The following BOC variants were observed in gnomAD, a reference collection of about 807,000 sequenced individuals.
BOC encodes brother of CDO.
In BOC, 76 loss-of-function variants were observed where a neutral mutation model predicts 112.0. The ratio of observed to expected loss-of-function variants is 0.68; its 90% CI spans 0.56 to 0.82. BOC has a LOEUF of 0.82. Among genes scored for constraint, BOC ranks in the 40% least tolerant of loss-of-function variants. The pLI, the probability that BOC is intolerant of heterozygous loss-of-function variation, is 0.00. For missense variants in BOC, 1,309 were observed against 1,511.7 expected (o/e 0.87, Z 2.22); for synonymous variants, 580 against 599.8 (o/e 0.97, Z 0.48).
At chr3:113,240,309 A>C (rs1944125746) in intron 2 of BOC, among the ~76,000 whole-genome samples, 3 of 152,236 alleles carry the variant, frequency 2.0e-5, no homozygotes, top group Non-Finnish European at 4.4e-5. Context: ...CAGCTGACTT[A>C]GCCTACCTGG....
intron 5 of BOC, among the ~76,000 whole-genome samples, chr3:113,269,220 T>G (rs1947846649): frequency 6.6e-6 from 1 of 152,192 alleles, no homozygotes; most frequent in Non-Finnish European, 1.5e-5. Context: ...CCCGTTTGCA[T>G]AGTAAATGCA....
intron 5 of BOC, among the ~76,000 whole-genome samples, chr3:113,269,227 T>C (rs1947847595): frequency 6.6e-6 from 1 of 152,176 alleles, no homozygotes; most frequent in Non-Finnish European, 1.5e-5. Context: ...GCATAGTAAA[T>C]GCAGTTATCT....
intron 2 of BOC, among the ~76,000 whole-genome samples, chr3:113,247,762 C>T (rs1259280179): frequency 1.3e-5 from 2 of 152,146 alleles, no homozygotes; most frequent in Non-Finnish European, 2.9e-5. Flanking sequence ...CTTTCCACCA[C>T]CACAGCCCCT....
chr3:113,255,252 C>G (rs1451957827), intron 4 of BOC, among the ~76,000 whole-genome samples: 1 of 151,658 alleles, frequency 6.6e-6, no homozygotes, highest in Non-Finnish European at 1.5e-5. Flanking sequence ...AGGCAGCCAA[C>G]CGCTCTACAC....
At chr3:113,234,424 C>T (rs545618358) in intron 2 of BOC, among the ~76,000 whole-genome samples, 1 of 152,282 alleles carries the variant, frequency 6.6e-6, no homozygotes, top group Admixed American at 6.5e-5. Context: ...TTATCATTCT[C>T]CTGATGCCTT....
chr3:113,227,313 G>A (rs369413424), intron 2 of BOC, among the ~76,000 whole-genome samples: 6 of 152,198 alleles, frequency 3.9e-5, no homozygotes, highest in Admixed American at 1.3e-4. Flanking sequence ...AGGCCTCTGC[G>A]CATGGTTGGT....
chr3:113,236,286 A>ATATATATATATATACCCATGGG (rs1943497956), intron 2 of BOC, among the ~76,000 whole-genome samples: 1 of 15,128 alleles, frequency 6.6e-5, no homozygotes, highest in African/African-American at 3.5e-4. Context: ...CCATGGGTAT[A>ATATATATATATATACCCATGGG]TATATATATA....
At chr3:113,220,149 G>A (rs989103332) in intron 2 of BOC, among the ~76,000 whole-genome samples, 1 of 152,184 alleles carries the variant, frequency 6.6e-6, no homozygotes, top group South Asian at 2.1e-4. Context: ...GTAACTGACA[G>A]AAGATGGTAC....
intron 2 of BOC, among the ~76,000 whole-genome samples, chr3:113,219,239 G>T (rs1299708550): frequency 6.6e-6 from 1 of 152,190 alleles, no homozygotes; most frequent in Non-Finnish European, 1.5e-5. Flanking sequence ...ATCGCTTAGG[G>T]AATTAACGGT....
At chr3:113,259,795 G>A (rs1946616305) in intron 4 of BOC, among the ~76,000 whole-genome samples, 1 of 152,134 alleles carries the variant, frequency 6.6e-6, no homozygotes, top group African/African-American at 2.4e-5. Flanking sequence ...TTTTCCTATA[G>A]GGAGAATTGT....
In BOC at chr3:113,283,629, C is replaced by A; in HGVS notation, c.2653C>A (p.Gln885Lys). Reference sequence around the variant, plus strand: ...CTGCTTGTGGAGGGCCTGGTCTAAGCAAAGTGAGTGAGTGACGCTTTCAGT... The same window carrying A: ...CTGCTTGTGGAGGGCCTGGTCTAAGAAAAGTGAGTGAGTGACGCTTTCAGT... The part of the protein sequence containing the change: ...PFCLWRAWSK[Q>K]KHTTDLGFPR... Residue 885 changes from glutamine to lysine, a missense_variant, in exon 16 of 20, where the codon CAA becomes AAA. Transcript: ENST00000682979. 2 of 1,612,898 alleles carry A rather than the reference C, an allele frequency of 1.2e-6. No individual in the cohort carries two copies. Among genetic ancestry groups the A allele is most frequent in the Non-Finnish European group, 1.7e-6 (2 of 1,179,282 alleles).
chr3:113,260,679 G>GAAC (rs1262883016), intron 4 of BOC, among the ~76,000 whole-genome samples: 24 of 134,170 alleles, frequency 1.8e-4, no homozygotes, highest in Non-Finnish European at 3.8e-4. Flanking sequence ...GAACAGAACA[G>GAAC]AACAGAACAG....
rs1167310155 is a variant in BOC, at chr3:113,278,556, G to A, written c.1706-117G>A. 2 of 926,612 alleles carry A rather than the reference G, an allele frequency of 2.2e-6. No individual in the cohort carries two copies. Among genetic ancestry groups the A allele is most frequent in the Admixed American group, 2.2e-5 (1 of 46,504 alleles). 57.4% of individuals were successfully genotyped at this position (926,612 alleles called of 1,614,324 possible). A position where few individuals can be genotyped will look rare whatever the true frequency, so the allele number is the denominator to read the frequency against. ...AGCCCACACCCTCAGTGCCCCGGAT[G>A]CTTATTTGCATCACTTTGTCATGCC... On this transcript the variant is annotated intron_variant, in intron 10 of 19. Coordinates refer to ENST00000682979, the MANE Select transcript of BOC (RefSeq NM_001378074.1). The surrounding 1 kb of genome is among the most constrained non-coding windows in gnomAD (Gnocchi z 4.2).
In BOC at chr3:113,278,186, T is replaced by C; in HGVS notation, c.1634T>C (p.Leu545Ser). The C allele has an allele frequency of 6.2e-7, 1 of 1,614,114 alleles. No individual in the cohort carries two copies. The highest frequency in any genetic ancestry group is 2.2e-5 in the East Asian group (1 of 44,884). ...CTCACCAGACTTGACCCCGGGAGCT[T>C]GTATGAAGTGGAGATGGCAGCTTAC... ...LTLTRLDPGS[L>S]YEVEMAAYNC... The change falls in exon 10 of 20, where the codon TTG becomes TCG. Residue 545 changes from leucine (L) to serine (S), a missense_variant. Transcript: ENST00000682979. The surrounding 1 kb of genome is among the most constrained non-coding windows in gnomAD (Gnocchi z 4.2).
At chr3:113,280,474 G>A (rs1247600947) in intron 13 of BOC, 84 bp from the exon 14 acceptor site, 3 of 961,770 alleles carry the variant, frequency 3.1e-6, no homozygotes, top group Non-Finnish European at 5.1e-6. Flanking sequence ...CTGGACTGGG[G>A]TAGAACCTTC....
chr3:113,251,498 A>G (rs1425330600), intron 4 of BOC: 1 of 153,002 alleles, frequency 6.5e-6, no homozygotes, highest in Non-Finnish European at 1.5e-5. Flanking sequence ...ACTTCACACT[A>G]CCTTTTTTTT....
intron 1 of BOC, among the ~76,000 whole-genome samples, chr3:113,214,851 A>G (rs1012929829): frequency 2.6e-5 from 4 of 152,264 alleles, no homozygotes; most frequent in African/African-American, 7.2e-5. Context: ...GTCCCAGGAA[A>G]GTAAGCTTTA....
At chr3:113,231,616 T>C (rs2107708023) in intron 2 of BOC, among the ~76,000 whole-genome samples, 1 of 152,336 alleles carries the variant, frequency 6.6e-6, no homozygotes, top group Non-Finnish European at 1.5e-5. Context: ...CTCTTGGTGA[T>C]TCATGATGCA....
intron 4 of BOC, 66 bp downstream of exon 4, chr3:113,250,899 C>T: frequency 6.3e-7 from 1 of 1,579,762 alleles, no homozygotes; most frequent in South Asian, 1.1e-5. Flanking sequence ...CCCTGAAGCC[C>T]CCACCATTCA....
Sources: gnomAD v4.1 joint callset for allele counts (sites outside exome capture counted in the v4.1 genomes callset) on GRCh38, gnomAD v4.1.1 for gene constraint, Gnocchi (gnomAD v3.1) non-coding constraint, MANE v1.5 for transcripts, NCBI Gene and HGNC (gene_info 2026-07-23, HGNC 2026-07-21) for gene names.